The following DCC variants were observed in gnomAD, a reference collection of about 807,000 sequenced individuals.
DCC encodes the protein DCC netrin 1 receptor, also known as netrin receptor DCC.
A neutral mutation model predicts 172.5 loss-of-function variants in DCC; 58 were observed. The ratio of observed to expected loss-of-function variants is 0.34; its 90% CI spans 0.27 to 0.42. The LOEUF (loss-of-function observed/expected upper bound fraction) is 0.42. Among genes scored for constraint, DCC ranks in the 10% least tolerant of loss-of-function variants. The pLI is 1.00. For missense variants in DCC, 1,740 were observed against 1,791.0 expected (o/e 0.97, Z 0.51); for synonymous variants, 709 against 644.5 (o/e 1.10, Z -1.52).
chr18:52,633,343 C>T (rs537529683), intron 1 of DCC, among the ~76,000 whole-genome samples: 34 of 152,156 alleles, frequency 2.2e-4, no homozygotes, highest in Non-Finnish European at 4.3e-4. Flanking sequence ...GTAGGAGGTA[C>T]GCTGGCACTG....
chr18:52,397,427 C>A (rs548168873), intron 1 of DCC, among the ~76,000 whole-genome samples: 5 of 152,030 alleles, frequency 3.3e-5, no homozygotes, highest in Non-Finnish European at 7.4e-5. Context: ...GGGGAGCATT[C>A]GCTGACTGCA....
intron 12 of DCC, among the ~76,000 whole-genome samples, chr18:53,235,554 T>A (rs2056189022): frequency 6.6e-6 from 1 of 152,150 alleles, no homozygotes; most frequent in Non-Finnish European, 1.5e-5. Context: ...CAGAAAAAAA[T>A]TATGGACTCT....
intron 9 of DCC, among the ~76,000 whole-genome samples, chr18:53,187,679 T>C (rs1464421102): frequency 2.6e-5 from 4 of 152,220 alleles, no homozygotes; most frequent in African/African-American, 4.8e-5. Context: ...GAATTTTACA[T>C]GTTACATAAA....
chr18:52,774,967 AAG>A (rs1299943664), intron 2 of DCC, among the ~76,000 whole-genome samples: 2 of 152,192 alleles, frequency 1.3e-5, no homozygotes, highest in African/African-American at 2.4e-5. Context: ...TGTGAGAGAA[AAG>A]AGAGAAAGTC....
chr18:53,084,570 T>C (rs902238152), intron 7 of DCC, among the ~76,000 whole-genome samples: 1 of 152,192 alleles, frequency 6.6e-6, no homozygotes, highest in African/African-American at 2.4e-5. Flanking sequence ...CCCTGCCAGA[T>C]CTTCTGTTTC....
At chr18:53,174,901 G>C (rs2055067238) in intron 8 of DCC, among the ~76,000 whole-genome samples, 1 of 152,156 alleles carries the variant, frequency 6.6e-6, no homozygotes, top group Admixed American at 6.5e-5. Flanking sequence ...CAATATCCTT[G>C]ATGAACATTG....
chr18:53,111,014 G>T, intron 7 of DCC, among the ~76,000 whole-genome samples: 1 of 131,658 alleles, frequency 7.6e-6, no homozygotes, highest in Admixed American at 7.9e-5. Flanking sequence ...GTCCAACAAT[G>T]ATAGACTGGA....
chr18:52,878,588 A>G (rs756665302), intron 2 of DCC, among the ~76,000 whole-genome samples: 31 of 152,336 alleles, frequency 2.0e-4, no homozygotes, highest in Non-Finnish European at 3.4e-4. Context: ...ACTCTGAGAC[A>G]ACACACACTA....
At position 52,624,753 on chromosome 18, in the gene DCC, T is replaced by C. The variant is rs80191945; in HGVS notation, c.92-127301T>C. Among the ~76,000 whole-genome samples the C allele has an allele frequency of 1.7e-4, 26 of 152,320 alleles. No homozygotes were observed. In the East Asian group the frequency reaches 5.0e-3, roughly 29 times the overall value. ...TGCACTTCTGCTATGCAATGATGAC[T>C]GTGCTGAGAGGCACAGGGGCATAGG... On this transcript the variant is annotated intron_variant, in intron 1 of 28. Transcript: ENST00000442544.
chr18:52,834,021 C>A (rs754683764), intron 2 of DCC, among the ~76,000 whole-genome samples: 7 of 152,102 alleles, frequency 4.6e-5, no homozygotes, highest in Non-Finnish European at 1.0e-4. Context: ...GGCCTATGTG[C>A]TTGGGTACAT....
At chr18:53,509,223 G>GTTAT (rs1317459282) in intron 27 of DCC, among the ~76,000 whole-genome samples, 8 of 152,336 alleles carry the variant, frequency 5.3e-5, no homozygotes, top group African/African-American at 1.4e-4. Flanking sequence ...AGAAAAAGAG[G>GTTAT]TTATTTCTCA....
chr18:52,992,233 A>T (rs1176068672), intron 5 of DCC, among the ~76,000 whole-genome samples: 2 of 152,190 alleles, frequency 1.3e-5, no homozygotes, highest in African/African-American at 4.8e-5. Flanking sequence ...CACCCTAGTC[A>T]GTATAGGGCT....
chr18:53,454,461 T>G (rs2045459016), intron 23 of DCC, among the ~76,000 whole-genome samples: 1 of 152,246 alleles, frequency 6.6e-6, no homozygotes, highest in Non-Finnish European at 1.5e-5. Flanking sequence ...AGTTAGACTT[T>G]ATCCACAGAT....
intron 1 of DCC, among the ~76,000 whole-genome samples, chr18:52,633,213 T>G (rs2034710797): frequency 6.6e-6 from 1 of 152,130 alleles, no homozygotes; most frequent in Admixed American, 6.5e-5. Flanking sequence ...GAGCTTATCT[T>G]ATTTGGGGCT....
chr18:53,442,456 C>T (rs1912332971), intron 22 of DCC, among the ~76,000 whole-genome samples: 1 of 152,156 alleles, frequency 6.6e-6, no homozygotes. Flanking sequence ...ATGATCTTAA[C>T]CGATAAACTG....
intron 1 of DCC, among the ~76,000 whole-genome samples, chr18:52,484,766 T>C (rs1802418614): frequency 6.6e-6 from 1 of 150,994 alleles, no homozygotes; most frequent in Admixed American, 6.6e-5. Context: ...TACCTGTGTA[T>C]CAAACCTGCA....
chr18:52,537,456 A>G (rs1234640977), intron 1 of DCC, among the ~76,000 whole-genome samples: 4 of 152,204 alleles, frequency 2.6e-5, no homozygotes, highest in African/African-American at 7.2e-5. Context: ...AAGTAAACAC[A>G]GCGCCTGTTG....
At chr18:53,071,053 T>G (rs2042644996) in intron 7 of DCC, among the ~76,000 whole-genome samples, 1 of 152,226 alleles carries the variant, frequency 6.6e-6, no homozygotes, top group Non-Finnish European at 1.5e-5. Context: ...CTGTTCAGCT[T>G]TAGCCTGTCC....
At chr18:52,842,854 AATT>A (rs1244235772) in intron 2 of DCC, among the ~76,000 whole-genome samples, 4 of 152,172 alleles carry the variant, frequency 2.6e-5, no homozygotes, top group Non-Finnish European at 4.4e-5. Flanking sequence ...GGAAAAAAAT[AATT>A]GAGGGTAATT....
Sources: gnomAD v4.1 joint callset for allele counts (sites outside exome capture counted in the v4.1 genomes callset) on GRCh38, gnomAD v4.1.1 for gene constraint, MANE v1.5 for transcripts, NCBI Gene and HGNC (gene_info 2026-07-23, HGNC 2026-07-21) for gene names.